AIG1: variants seen among roughly 807,000 people sequenced by gnomAD.
AIG1 encodes the protein androgen-induced gene 1 protein.
AIG1 carries 23 observed loss-of-function variants against 31.4 expected under a neutral mutation model. The ratio of observed to expected loss-of-function variants is 0.73; its 90% CI spans 0.53 to 1.04. The LOEUF (loss-of-function observed/expected upper bound fraction) is 1.04. AIG1 is among the 50% of genes least tolerant of loss of function. AIG1 has a pLI of 0.00. For synonymous variants in AIG1, 100 were observed against 110.5 expected (o/e 0.90, Z 0.60); for missense variants, 274 against 295.0 (o/e 0.93, Z 0.52).
At chr6:143,313,607 C>A (rs1775487436) in intron 4 of AIG1, among the ~76,000 whole-genome samples, 1 of 150,106 alleles carries the variant, frequency 6.7e-6, no homozygotes, top group Non-Finnish European at 1.5e-5. Context: ...AAGGGTACAA[C>A]AATAAAAAGA....
intron 3 of AIG1, among the ~76,000 whole-genome samples, chr6:143,216,250 G>T (rs1792019160): frequency 6.6e-6 from 1 of 152,126 alleles, no homozygotes; most frequent in African/African-American, 2.4e-5. Context: ...TCTGTTTCCA[G>T]ACTCTTGATT....
chr6:143,148,246 A>G (rs1410785679), intron 2 of AIG1, among the ~76,000 whole-genome samples: 1 of 151,468 alleles, frequency 6.6e-6, no homozygotes, highest in Admixed American at 6.6e-5. Flanking sequence ...CACACCTGTA[A>G]TCCCAGCACT....
intron 3 of AIG1, among the ~76,000 whole-genome samples, chr6:143,191,747 A>C (rs1215899561): frequency 1.3e-5 from 2 of 152,182 alleles, no homozygotes; most frequent in Non-Finnish European, 2.9e-5. Flanking sequence ...GAAGGACACA[A>C]AACATTTTAC....
intron 3 of AIG1, among the ~76,000 whole-genome samples, chr6:143,180,741 A>G (rs147028125): frequency 6.6e-6 from 1 of 152,206 alleles, no homozygotes; most frequent in Non-Finnish European, 1.5e-5. Flanking sequence ...TCTTATAATC[A>G]CAGCAGGAGT....
At chr6:143,271,046 A>G (rs1796491929) in intron 3 of AIG1, among the ~76,000 whole-genome samples, 1 of 152,240 alleles carries the variant, frequency 6.6e-6, no homozygotes, top group Admixed American at 6.5e-5. Context: ...GATTACACTC[A>G]GACTAGTCCA....
chr6:143,129,839 ATATT>A (rs1326538593), intron 1 of AIG1, among the ~76,000 whole-genome samples: 1 of 151,628 alleles, frequency 6.6e-6, no homozygotes, highest in Admixed American at 6.6e-5. Context: ...AGGTACATCT[ATATT>A]TAAGATCATT....
intron 3 of AIG1, among the ~76,000 whole-genome samples, chr6:143,269,231 T>C (rs1455953451): frequency 2.0e-5 from 3 of 152,242 alleles, no homozygotes; most frequent in Admixed American, 1.3e-4. Flanking sequence ...TCTGGATGGC[T>C]TGAGTCAGAA....
chr6:143,278,372 G>A (rs1403960852), intron 3 of AIG1, among the ~76,000 whole-genome samples: 2 of 151,960 alleles, frequency 1.3e-5, no homozygotes. Flanking sequence ...AAATTGCATA[G>A]TGAAAAGTTT....
At chr6:143,191,958 G>T (rs1050852986) in intron 3 of AIG1, among the ~76,000 whole-genome samples, 27 of 152,162 alleles carry the variant, frequency 1.8e-4, no homozygotes, top group African/African-American at 6.5e-4. Flanking sequence ...TTTGAGGCTA[G>T]TTCCCAAACT....
At chr6:143,272,302 A>G (rs1369733212) in intron 3 of AIG1, among the ~76,000 whole-genome samples, 1 of 152,174 alleles carries the variant, frequency 6.6e-6, no homozygotes, top group Non-Finnish European at 1.5e-5. Context: ...AATTCTCTGT[A>G]GATTAACCCC....
chr6:143,165,075 C>T lies in AIG1; in HGVS notation c.298-7C>T. On this transcript the variant is annotated splice_polypyrimidine_tract_variant and splice_region_variant and intron_variant, in intron 2 of 5. Transcript: ENST00000357847. ...ACTTGAAATAAAAGATTTCTTTTTC[C>T]TTCCAGTTTGTTGTAGCAGTGTTCT... 6.3e-7 allele frequency: 1 copy of T among 1,591,672 alleles called. No homozygotes were observed. Among genetic ancestry groups the T allele is most frequent in the East Asian group, 2.2e-5 (1 of 44,712 alleles).
Position 143,256,217 on chromosome 6 carries a change from A to G in AIG1, c.400-27893A>G, listed in dbSNP as rs1003536813. 2.0e-5 allele frequency among the ~76,000 whole-genome samples: 3 copies of G among 152,248 alleles called. No homozygotes were observed. The highest frequency in any genetic ancestry group is 7.2e-5 in the African/African-American group (3 of 41,470). On this transcript the variant is annotated intron_variant, in intron 3 of 5. Coordinates refer to ENST00000357847, the MANE Select transcript of AIG1 (RefSeq NM_016108.4). This position sits in a 1 kb window ranked among gnomAD's most constrained non-coding sequence, Gnocchi z 4.6. ...AGGCAGTGTTGTTTAAGTCTATGTA[A>G]TGTGTAGAGGAAAGCAGTGAAAACA...
At chr6:143,314,575 CA>C (rs1019825115) in intron 4 of AIG1, among the ~76,000 whole-genome samples, 1 of 151,846 alleles carries the variant, frequency 6.6e-6, no homozygotes, top group East Asian at 1.9e-4. Context: ...ACAATAGCAC[CA>C]AAAAATAAAT....
At chr6:143,308,643 T>C (rs1431839444) in intron 4 of AIG1, among the ~76,000 whole-genome samples, 1 of 152,218 alleles carries the variant, frequency 6.6e-6, no homozygotes, top group East Asian at 1.9e-4. Flanking sequence ...ATAAGGAGAA[T>C]AATGTACTCA....
At chr6:143,181,896 G>A (rs1438250724) in intron 3 of AIG1, among the ~76,000 whole-genome samples, 1 of 151,998 alleles carries the variant, frequency 6.6e-6, no homozygotes, top group African/African-American at 2.4e-5. Flanking sequence ...GAGAAAGAGG[G>A]TTAAAAATGT....
chr6:143,169,989 A>G (rs575812331), intron 3 of AIG1, among the ~76,000 whole-genome samples: 64 of 152,206 alleles, frequency 4.2e-4, no homozygotes, highest in Middle Eastern at 6.8e-3. Flanking sequence ...TTGGTTTGGT[A>G]GTATTTTGTT....
chr6:143,306,633 AT>A (rs1799334471), intron 4 of AIG1, among the ~76,000 whole-genome samples: 1 of 151,620 alleles, frequency 6.6e-6, no homozygotes, highest in Admixed American at 6.6e-5. Context: ...TTCCCTTAAC[AT>A]TTTTTCCTTC....
At chr6:143,189,679 T>G (rs1789609473) in intron 3 of AIG1, 1 of 985,424 alleles carries the variant, frequency 1.0e-6, no homozygotes, top group Non-Finnish European at 1.2e-6. Context: ...CATCCTTTTT[T>G]TCTGTACCTA....
chr6:143,222,652 A>G (rs550886392), intron 3 of AIG1, among the ~76,000 whole-genome samples: 1 of 152,316 alleles, frequency 6.6e-6, no homozygotes, highest in African/African-American at 2.4e-5. Flanking sequence ...TAGAAGGACA[A>G]TACTCATATG....
Sources: allele counts gnomAD v4.1 joint callset (sites outside exome capture counted in the v4.1 genomes callset), GRCh38; gene constraint gnomAD v4.1.1; non-coding constraint Gnocchi (gnomAD v3.1); transcripts MANE v1.5; gene names NCBI Gene and HGNC (gene_info 2026-07-23, HGNC 2026-07-21).